The following RILP variants were observed in gnomAD, a reference collection of about 807,000 sequenced individuals.
RILP encodes the protein Rab interacting lysosomal protein, also known as rab-interacting lysosomal protein.
RILP carries 53 observed loss-of-function variants against 40.0 expected under a neutral mutation model. The observed-to-expected ratio is 1.32, with a 90% confidence interval of 1.06 to 1.66. The LOEUF is 1.66. Ranked by LOEUF, RILP falls within the 40% of genes most tolerant of loss-of-function variation. The pLI, the probability that RILP is intolerant of heterozygous loss-of-function variation, is 0.00. For synonymous variants in RILP, 272 were observed against 250.6 expected, an observed-to-expected ratio of 1.09 and a Z score of -0.80; for missense variants, 626 against 551.7, an observed-to-expected ratio of 1.13 and a Z score of -1.35.
chr17:1,648,494 G>A lies in RILP; in HGVS notation c.677C>T (p.Ala226Val). The A allele has an allele frequency of 6.2e-7, 1 of 1,612,674 alleles. No homozygotes were observed. Among genetic ancestry groups the A allele is most frequent in the Non-Finnish European group, 8.5e-7 (1 of 1,179,848 alleles). ...AGAPGNPEDP[A>V]EAAQQLGRPS... is the part of the protein sequence containing the mutation. ...GCGCCCGAGCTGCTGCGCGGCCTCC[G>A]CCTTTGGAAGGACAGGCACAGTCAG... Residue 226 changes from alanine to valine, a missense_variant and splice_region_variant, in exon 5 of 8, where the codon GCG (alanine) becomes GTG (valine). Physicochemically the swap from Ala to Val is moderately conservative, Grantham distance 64 (BLOSUM62 0). Transcript: ENST00000301336. The surrounding 1 kb of genome is among the most constrained non-coding windows in gnomAD (Gnocchi z 4.9).
chr17:1,649,629 A>G lies in RILP; in HGVS notation c.176T>C (p.Val59Ala). The G allele has an allele frequency of 1.9e-6, 3 of 1,583,722 alleles. No individual in the cohort carries two copies. The highest frequency in any genetic ancestry group is 2.6e-6 in the Non-Finnish European group (3 of 1,172,968). Reference sequence around the variant, plus strand: ...CTGTTCCAAGAGCTCCAGCGCCCGCACCACTAGCGGCACCAGCCCGGCCGC... The same window carrying G: ...CTGTTCCAAGAGCTCCAGCGCCCGCGCCACTAGCGGCACCAGCCCGGCCGC... Reference protein sequence around the residue: ...EAAAGLVPLVVRALELLEQAA... With the variant: ...EAAAGLVPLVARALELLEQAA... The change falls in exon 1 of 8, where the codon GTG (valine) becomes GCG (alanine). Residue 59 changes from valine to alanine, a missense_variant. Val to Ala is a moderately conservative substitution (Grantham distance 64). Coordinates refer to ENST00000301336, the MANE Select transcript of RILP (RefSeq NM_031430.3). This position sits in a 1 kb window ranked among gnomAD's most constrained non-coding sequence, Gnocchi z 4.3.
Position 1,649,113 on chromosome 17 carries a change from C to CATCG in RILP, c.430-70_430-69insCGAT. 4.2e-6 allele frequency: 5 copies of CATCG among 1,182,386 alleles called. No individual in the cohort carries two copies. Among genetic ancestry groups the CATCG allele is most frequent in the African/African-American group, 1.6e-5 (1 of 61,104 alleles). The allele number at this position is 1,182,386 out of a possible 1,614,324, so 73.2% of individuals were successfully genotyped here. A position where few individuals can be genotyped will look rare whatever the true frequency, so the allele number is the denominator to read the frequency against. ...CCCCCGGAGCCCCGCCCAGCGCCTG[C>CATCG]CTCGCTCCGCCCCCGCCCCCGGAGC... On this transcript the variant is annotated intron_variant, in intron 3 of 7. Coordinates refer to ENST00000301336, the MANE Select transcript of RILP (RefSeq NM_031430.3). The surrounding 1 kb of genome is among the most constrained non-coding windows in gnomAD (Gnocchi z 4.3).
Position 1,646,956 on chromosome 17 carries a change from G to A in RILP, c.978C>T (p.Ser326=), listed in dbSNP as rs376385805. ...GTGGGGGATGGTCTCCCTTGTCATC[G>A]GAGAGCAGGATCCATGGGCCAGCCT... ...EDEAGPWILL[S]DDKGDHPPPP... The change falls in exon 7 of 8, where the codon TCC becomes TCT. Residue 326 remains serine (S), a synonymous_variant. Coordinates refer to ENST00000301336, the MANE Select transcript of RILP (RefSeq NM_031430.3). This position sits in a 1 kb window ranked among gnomAD's most constrained non-coding sequence, Gnocchi z 4.3. 6.0e-5 allele frequency: 96 copies of A among 1,608,662 alleles called. No individual in the cohort carries two copies. Among genetic ancestry groups the A allele is most frequent in the Middle Eastern group, 1.7e-4 (1 of 6,036 alleles).
chr17:1,647,043 C>A, intron 6 of RILP, 54 bp from the exon 7 acceptor site: 1 of 1,263,284 alleles, frequency 7.9e-7, no homozygotes, highest in Non-Finnish European at 1.1e-6. Flanking sequence ...CCCTGAGGGA[C>A]AACAGGAATC....
In RILP at chr17:1,646,441, G is replaced by A. The variant is rs1438029035; in HGVS notation, c.*1C>T. Reference sequence around the variant, plus strand: ...CATCCTTCCACAGCCAGACCCCTAAGTCAGGCCTCTGGGGCGGCTGAGGCC... The same window carrying A: ...CATCCTTCCACAGCCAGACCCCTAAATCAGGCCTCTGGGGCGGCTGAGGCC... On this transcript the variant is annotated 3_prime_UTR_variant, in exon 8 of 8. Transcript: ENST00000301336. The surrounding 1 kb of genome is among the most constrained non-coding windows in gnomAD (Gnocchi z 4.3). 1.3e-6 allele frequency: 2 copies of A among 1,567,426 alleles called. No individual in the cohort carries two copies. The highest frequency in any genetic ancestry group is 1.4e-5 in the African/African-American group (1 of 73,318).
At position 1,649,762 on chromosome 17, in the gene RILP, AC is replaced by A; in HGVS notation, c.42del (p.Ser15LeufsTer17). 1 of 1,582,392 alleles carries A rather than the reference AC, an allele frequency of 6.3e-7. No homozygotes were observed. The highest frequency in any genetic ancestry group is 8.5e-7 in the Non-Finnish European group (1 of 1,171,986). ...RRAAPGVPGW[G>X]SREAAGSASA... ...GATGCCGACCCCGCGGCCTCCCGAG[AC>A]CCCCAGCCAGGCACCCCGGGCGCCG... On this transcript the variant is annotated frameshift_variant, in exon 1 of 8. Coordinates refer to ENST00000301336, the MANE Select transcript of RILP (RefSeq NM_031430.3). LOFTEE classifies it high-confidence loss of function. This position sits in a 1 kb window ranked among gnomAD's most constrained non-coding sequence, Gnocchi z 4.3.
rs1345537850 is a variant in RILP at position 1,649,706 on chromosome 17, C to A, written c.99G>T (p.Gly33=). ...GATCCTGCAGCTCAGTGCCCAGGGC[C>A]CCGGCTAGATGGTACACAAGCTCCG... ...SAAELVYHLA[G]ALGTELQDLA... The change falls in exon 1 of 8, where the codon GGG becomes GGT. Residue 33 remains glycine, a synonymous_variant. Coordinates refer to ENST00000301336, the MANE Select transcript of RILP (RefSeq NM_031430.3). The surrounding 1 kb of genome is among the most constrained non-coding windows in gnomAD (Gnocchi z 4.3). The A allele has an allele frequency of 1.4e-5, 22 of 1,592,782 alleles. No individual in the cohort carries two copies. The highest frequency in any genetic ancestry group is 1.9e-5 in the Non-Finnish European group (22 of 1,176,990).
chr17:1,647,657 C>G (rs1910694818), intron 6 of RILP, among the ~76,000 whole-genome samples, 178 bp downstream of exon 6: 1 of 152,100 alleles, frequency 6.6e-6, no homozygotes, highest in Non-Finnish European at 1.5e-5. Flanking sequence ...GGGACACAGC[C>G]AGAGCAGGTC....
Position 1,649,465 on chromosome 17 carries a change from C to T in RILP, c.269G>A (p.Arg90Gln). The change falls in exon 2 of 8, where the codon CGG (arginine) becomes CAG (glutamine). Residue 90 changes from arginine to glutamine, a missense_variant. Physicochemically the swap from Arg to Gln is conservative, Grantham distance 43. Transcript: ENST00000301336. The surrounding 1 kb of genome is among the most constrained non-coding windows in gnomAD (Gnocchi z 4.3). Reference protein sequence around the residue: ...SAQPAEQELRRLREENERLRR... With the variant: ...SAQPAEQELRQLREENERLRR... ...GAGGCGCTCGTTCTCCTCCCGCAGCCGCCGCAGCTCCTGCTCCGCCGGCTG... is the reference window on the plus strand; with the variant it reads ...GAGGCGCTCGTTCTCCTCCCGCAGCTGCCGCAGCTCCTGCTCCGCCGGCTG... 6.0e-6 allele frequency: 9 copies of T among 1,512,056 alleles called. No individual in the cohort carries two copies. Among genetic ancestry groups the T allele is most frequent in the Non-Finnish European group, 7.0e-6 (8 of 1,138,054 alleles). 93.7% of individuals were successfully genotyped at this position (1,512,056 alleles called of 1,614,324 possible).
At position 1,649,825 on chromosome 17, in the gene RILP, T is replaced by C. The variant is rs903161640; in HGVS notation, c.-21A>G. The C allele has an allele frequency of 5.3e-6, 8 of 1,503,998 alleles. No homozygotes were observed. Among genetic ancestry groups the C allele is most frequent in the Non-Finnish European group, 7.1e-6 (8 of 1,125,962 alleles). The allele number at this position is 1,503,998 out of a possible 1,614,324, so 93.2% of individuals were successfully genotyped here. On this transcript the variant is annotated 5_prime_UTR_variant, in exon 1 of 8. Transcript: ENST00000301336. This position sits in a 1 kb window ranked among gnomAD's most constrained non-coding sequence, Gnocchi z 4.3. ...TCCATGTCTCCCAGAGGCTTAGGGC[T>C]GCGACCCCCCCACCCCACCCTCCAC...
rs1433763940 is a variant in RILP, at chr17:1,648,496, C to T, written c.676-1G>A. 2 of 1,612,794 alleles carry T rather than the reference C, an allele frequency of 1.2e-6. No homozygotes were observed. The highest frequency in any genetic ancestry group is 1.7e-6 in the Non-Finnish European group (2 of 1,179,878). ...GCCCGAGCTGCTGCGCGGCCTCCGCCTTTGGAAGGACAGGCACAGTCAGAG... is the reference window on the plus strand; with the variant it reads ...GCCCGAGCTGCTGCGCGGCCTCCGCTTTTGGAAGGACAGGCACAGTCAGAG... On this transcript the variant is annotated splice_acceptor_variant, in intron 4 of 7. Coordinates refer to ENST00000301336, the MANE Select transcript of RILP (RefSeq NM_031430.3). LOFTEE classifies it high-confidence loss of function. The surrounding 1 kb of genome is among the most constrained non-coding windows in gnomAD (Gnocchi z 4.9).
Position 1,649,443 on chromosome 17 carries a change from G to C in RILP, c.291C>G (p.Arg97=). 3.3e-6 allele frequency: 5 copies of C among 1,511,170 alleles called. No individual in the cohort carries two copies. The highest frequency in any genetic ancestry group is 4.4e-6 in the Non-Finnish European group (5 of 1,137,456). 93.6% of individuals were successfully genotyped at this position (1,511,170 alleles called of 1,614,324 possible). Residue 97 remains arginine, a synonymous_variant, in exon 2 of 8, where the codon CGC becomes CGG. Transcript: ENST00000301336. This position sits in a 1 kb window ranked among gnomAD's most constrained non-coding sequence, Gnocchi z 4.3. ...ELRRLREENE[R]LRRELRAGPQ... ...GCCCCGCGCGCAGCTCCCTGCGGAG[G>C]CGCTCGTTCTCCTCCCGCAGCCGCC...
In RILP at chr17:1,648,038, T is replaced by C. The variant is rs1441867134; in HGVS notation, c.822-81A>G. On this transcript the variant is annotated intron_variant, in intron 5 of 7. Transcript: ENST00000301336. The surrounding 1 kb of genome is among the most constrained non-coding windows in gnomAD (Gnocchi z 4.9). ...CCAGCAGTGGAGATGCCAGCCGCAGTCCTCACTCCTGGTACCTGTGCACGC... is the reference window on the plus strand; with the variant it reads ...CCAGCAGTGGAGATGCCAGCCGCAGCCCTCACTCCTGGTACCTGTGCACGC... The C allele has an allele frequency of 8.4e-6, 13 of 1,555,464 alleles. No homozygotes were observed. Among genetic ancestry groups the C allele is most frequent in the Non-Finnish European group, 1.1e-5 (13 of 1,142,934 alleles).
At chr17:1,647,684 G>T (rs1910695636) in intron 6 of RILP, 151 bp downstream of exon 6, 3 of 954,388 alleles carry the variant, frequency 3.1e-6, no homozygotes, top group Non-Finnish European at 3.2e-6. Flanking sequence ...CCCTAGAAGC[G>T]GCCAGGCTAG....
chr17:1,647,167 T>C (rs1039220921), intron 6 of RILP, among the ~76,000 whole-genome samples, 178 bp from the exon 7 acceptor site: 3 of 150,718 alleles, frequency 2.0e-5, no homozygotes, highest in African/African-American at 7.3e-5. Flanking sequence ...TGAGACAGGG[T>C]CTCACTCTGT....
chr17:1,649,397 C>G lies in RILP; in HGVS notation c.322+15G>C. 1 of 1,501,758 alleles carries G rather than the reference C, an allele frequency of 6.7e-7. No homozygotes were observed. The highest frequency in any genetic ancestry group is 8.8e-7 in the Non-Finnish European group (1 of 1,133,016). 93.0% of individuals were successfully genotyped at this position (1,501,758 alleles called of 1,614,324 possible). On this transcript the variant is annotated intron_variant, in intron 2 of 7. Transcript: ENST00000301336. The surrounding 1 kb of genome is among the most constrained non-coding windows in gnomAD (Gnocchi z 4.3). ...AGGTCGTCACCCGCCCTGCCCTGGCCGGGGCTGCGCTTACCCTGTGGCCCC... is the reference window on the plus strand; with the variant it reads ...AGGTCGTCACCCGCCCTGCCCTGGCGGGGGCTGCGCTTACCCTGTGGCCCC...
In RILP at chr17:1,646,758, G is replaced by C; in HGVS notation, c.1029-139C>G. The C allele has an allele frequency of 9.2e-7, 1 of 1,083,544 alleles. No individual in the cohort carries two copies. Among genetic ancestry groups the C allele is most frequent in the South Asian group, 1.6e-5 (1 of 64,362 alleles). The allele number at this position is 1,083,544 out of a possible 1,614,324, so 67.1% of individuals were successfully genotyped here. A position where few individuals can be genotyped will look rare whatever the true frequency, so the allele number is the denominator to read the frequency against. On this transcript the variant is annotated intron_variant, in intron 7 of 7. Coordinates refer to ENST00000301336, the MANE Select transcript of RILP (RefSeq NM_031430.3). This position sits in a 1 kb window ranked among gnomAD's most constrained non-coding sequence, Gnocchi z 4.3. ...GGGAGTGTGAAGGTGATGGGGGCCA[G>C]GGCCAGAGAAGCAGGAGGGGACGGT...
rs1328965444 is a variant in RILP, at chr17:1,649,834, C to T, written c.-30G>A. On this transcript the variant is annotated 5_prime_UTR_variant, in exon 1 of 8. Transcript: ENST00000301336. This position sits in a 1 kb window ranked among gnomAD's most constrained non-coding sequence, Gnocchi z 4.3. Reference sequence around the variant, plus strand: ...CCCAGAGGCTTAGGGCTGCGACCCCCCCACCCCACCCTCCACTGGGACGGG... The same window carrying T: ...CCCAGAGGCTTAGGGCTGCGACCCCTCCACCCCACCCTCCACTGGGACGGG... 2.0e-6 allele frequency: 3 copies of T among 1,475,918 alleles called. No individual in the cohort carries two copies. Among genetic ancestry groups the T allele is most frequent in the Non-Finnish European group, 2.7e-6 (3 of 1,105,500 alleles). 91.4% of individuals were successfully genotyped at this position (1,475,918 alleles called of 1,614,324 possible). A position where few individuals can be genotyped will look rare whatever the true frequency, so the allele number is the denominator to read the frequency against.
rs201946575 is a variant in RILP at position 1,646,484 on chromosome 17, G to A, written c.1164C>T (p.His388=). The A allele has an allele frequency of 1.8e-5, 29 of 1,607,254 alleles. No individual in the cohort carries two copies. Among genetic ancestry groups the A allele is most frequent in the Admixed American group, 6.9e-5 (4 of 58,250 alleles). ...PAPDPPCSAL[H]EHLCLGASAA... ...CTGAGGCCCCCAGACAAAGGTGTTC[G>A]TGGAGGGCAGAACAGGGCGGATCAG... is the stretch of plus-strand genomic sequence containing the variant. The change falls in exon 8 of 8, where the codon CAC becomes CAT. Residue 388 remains histidine (H), a synonymous_variant. Transcript: ENST00000301336. This position sits in a 1 kb window ranked among gnomAD's most constrained non-coding sequence, Gnocchi z 4.3.
Sources: allele counts gnomAD v4.1 joint callset (sites outside exome capture counted in the v4.1 genomes callset), GRCh38; gene constraint gnomAD v4.1.1; non-coding constraint Gnocchi (gnomAD v3.1); transcripts MANE v1.5; gene names NCBI Gene and HGNC (gene_info 2026-07-23, HGNC 2026-07-21).